PDE4B: variants seen among roughly 807,000 people sequenced by gnomAD.
PDE4B encodes phosphodiesterase 4B, also known as 3',5'-cyclic-AMP phosphodiesterase 4B.
Under a neutral mutation model 82.2 loss-of-function variants are expected in PDE4B, and 20 were observed. The observed-to-expected ratio is 0.24, with a 90% confidence interval of 0.17 to 0.35. The LOEUF (loss-of-function observed/expected upper bound fraction) is 0.35. PDE4B is among the 10% of genes least tolerant of loss of function. The pLI is 1.00. For synonymous variants in PDE4B, 320 were observed against 318.9 expected, an observed-to-expected ratio of 1.00 and a Z score of -0.04; for missense variants, 655 against 907.2, an observed-to-expected ratio of 0.72 and a Z score of 3.57.
chr1:66,189,388 A>C (rs1432057102), intron 3 of PDE4B, among the ~76,000 whole-genome samples: 1 of 152,156 alleles, frequency 6.6e-6, no homozygotes, highest in Non-Finnish European at 1.5e-5. Flanking sequence ...CTACCTTGCT[A>C]GATTGGGGAA....
At chr1:66,137,291 G>C (rs899180123) in intron 3 of PDE4B, among the ~76,000 whole-genome samples, 1 of 152,176 alleles carries the variant, frequency 6.6e-6, no homozygotes, top group Non-Finnish European at 1.5e-5. Context: ...AGGAGATCAA[G>C]AGCATAGTGA....
At chr1:66,015,357 A>T (rs937881055) in intron 3 of PDE4B, among the ~76,000 whole-genome samples, 4 of 152,284 alleles carry the variant, frequency 2.6e-5, no homozygotes, top group Non-Finnish European at 5.9e-5. Flanking sequence ...ATAAACATGA[A>T]ATTAATTACT....
In PDE4B at chr1:65,911,190, C is replaced by A. The variant is rs1444792879; in HGVS notation, c.-70-2055C>A. On this transcript the variant is annotated intron_variant, in intron 1 of 16. Transcript: ENST00000341517. ...TTGTAAAAAGACCTACTGATGTTAC[C>A]CTGGACCATTTTGTCTCTCTGCCTG... Among the ~76,000 whole-genome samples the A allele has an allele frequency of 2.6e-5, 4 of 152,190 alleles. No individual in the cohort carries two copies. The East Asian group carries it at 7.7e-4, about 29-fold the overall frequency.
At chr1:66,017,203 G>A (rs952980533) in intron 3 of PDE4B, among the ~76,000 whole-genome samples, 3 of 152,150 alleles carry the variant, frequency 2.0e-5, no homozygotes, top group Non-Finnish European at 2.9e-5. Context: ...TATTGTATTT[G>A]TGTAACCAGT....
At chr1:65,909,841 C>T (rs182141803) in intron 1 of PDE4B, among the ~76,000 whole-genome samples, 23 of 152,282 alleles carry the variant, frequency 1.5e-4, no homozygotes, top group Admixed American at 5.9e-4. Context: ...CTTTTAATAT[C>T]ACTCCTTTTT....
intron 3 of PDE4B, among the ~76,000 whole-genome samples, chr1:66,041,245 T>A (rs1654351173): frequency 6.6e-6 from 1 of 151,960 alleles, no homozygotes. Context: ...TTATTAAGAC[T>A]CAATTCATAG....
intron 3 of PDE4B, among the ~76,000 whole-genome samples, chr1:65,995,138 A>G (rs1470575415): frequency 6.6e-6 from 1 of 152,172 alleles, no homozygotes; most frequent in Non-Finnish European, 1.5e-5. Flanking sequence ...TAATCATTAA[A>G]CTTGTGAAAT....
At chr1:66,099,069 G>T (rs1645169867) in intron 3 of PDE4B, among the ~76,000 whole-genome samples, 1 of 152,078 alleles carries the variant, frequency 6.6e-6, no homozygotes, top group South Asian at 2.1e-4. Flanking sequence ...GCATGTGCAG[G>T]TTTGTTACAT....
intron 1 of PDE4B, among the ~76,000 whole-genome samples, chr1:65,884,239 C>T (rs368966094): frequency 1.3e-5 from 2 of 152,122 alleles, no homozygotes; most frequent in South Asian, 2.1e-4. Flanking sequence ...ATGGTACCAG[C>T]TCCTCCTTGT....
intron 8 of PDE4B, among the ~76,000 whole-genome samples, chr1:66,341,366 T>C (rs913040285): frequency 2.0e-5 from 3 of 152,236 alleles, no homozygotes; most frequent in Non-Finnish European, 2.9e-5. Context: ...GGACATTCTC[T>C]CTTTTGTTTA....
intron 8 of PDE4B, among the ~76,000 whole-genome samples, chr1:66,340,043 A>G (rs959936367): frequency 6.6e-6 from 1 of 152,220 alleles, no homozygotes; most frequent in Non-Finnish European, 1.5e-5. Flanking sequence ...TTACTAAACA[A>G]GAAGATGCCA....
At chr1:65,961,395 A>G (rs1649534342) in intron 3 of PDE4B, among the ~76,000 whole-genome samples, 2 of 152,160 alleles carry the variant, frequency 1.3e-5, no homozygotes, top group South Asian at 4.1e-4. Flanking sequence ...AACCATACAA[A>G]TTATTGGGTT....
intron 3 of PDE4B, among the ~76,000 whole-genome samples, chr1:65,959,418 A>G (rs942970095): frequency 1.3e-5 from 2 of 152,168 alleles, no homozygotes; most frequent in African/African-American, 4.8e-5. Flanking sequence ...TAAAGGATAA[A>G]GAACCCACAA....
chr1:66,196,045 GAAT>G (rs1247822939), intron 3 of PDE4B, among the ~76,000 whole-genome samples: 2 of 152,148 alleles, frequency 1.3e-5, no homozygotes, highest in Non-Finnish European at 2.9e-5. Flanking sequence ...ACATTTTATT[GAAT>G]TTATTTCCAA....
intron 3 of PDE4B, among the ~76,000 whole-genome samples, chr1:66,232,579 A>AG (rs1204589383): frequency 6.6e-6 from 1 of 152,244 alleles, no homozygotes; most frequent in African/African-American, 2.4e-5. Context: ...AGCTGAGCCC[A>AG]GGGGCCCTCC....
At chr1:65,803,142 T>G (rs994141195) in intron 1 of PDE4B, among the ~76,000 whole-genome samples, 9 of 152,200 alleles carry the variant, frequency 5.9e-5, no homozygotes, top group Non-Finnish European at 1.0e-4. Flanking sequence ...TTGACAAAAA[T>G]ATCCTTCATA....
At chr1:66,136,504 G>A (rs1347922466) in intron 3 of PDE4B, among the ~76,000 whole-genome samples, 1 of 151,908 alleles carries the variant, frequency 6.6e-6, no homozygotes, top group Non-Finnish European at 1.5e-5. Flanking sequence ...GAGGTCAGGA[G>A]TTTGAGATCA....
At chr1:66,318,944 A>G (rs780680088) in intron 7 of PDE4B, among the ~76,000 whole-genome samples, 12 of 152,218 alleles carry the variant, frequency 7.9e-5, no homozygotes, top group Admixed American at 3.9e-4. Flanking sequence ...AAAGCAAGTC[A>G]TGTCACCTTC....
At chr1:65,948,998 A>C (rs1648856121) in intron 3 of PDE4B, among the ~76,000 whole-genome samples, 1 of 152,080 alleles carries the variant, frequency 6.6e-6, no homozygotes, top group Non-Finnish European at 1.5e-5. Context: ...CCTAGGGACA[A>C]AATGTTCTAT....
Sources: gnomAD v4.1 joint callset for allele counts (sites outside exome capture counted in the v4.1 genomes callset) on GRCh38, gnomAD v4.1.1 for gene constraint, MANE v1.5 for transcripts, NCBI Gene and HGNC (gene_info 2026-07-23, HGNC 2026-07-21) for gene names.